Variants in SVOPL observed in about 807,000 individuals in gnomAD.
SVOPL encodes putative transporter SVOPL.
Under a neutral mutation model 61.0 loss-of-function variants are expected in SVOPL, and 60 were observed. The ratio of observed to expected loss-of-function variants is 0.98; its 90% CI spans 0.80 to 1.22. The LOEUF (loss-of-function observed/expected upper bound fraction) is 1.22, where lower values mean the gene tolerates loss of function less well. Ranked by LOEUF, SVOPL falls within the 50% of genes most tolerant of loss-of-function variation. SVOPL has a pLI of 0.00. For missense variants in SVOPL, 662 were observed against 643.9 expected (o/e 1.03, Z -0.30); for synonymous variants, 279 against 250.0 (o/e 1.12, Z -1.09).
At chr7:138,647,598 C>G (rs1801182583) in intron 8 of SVOPL, among the ~76,000 whole-genome samples, 1 of 151,958 alleles carries the variant, frequency 6.6e-6, no homozygotes, top group African/African-American at 2.4e-5. Context: ...CACCTGTAAT[C>G]CCAGCCCTTT....
At chr7:138,617,382 C>CA (rs1174522279) in intron 14 of SVOPL, among the ~76,000 whole-genome samples, 2 of 151,254 alleles carry the variant, frequency 1.3e-5, no homozygotes, top group East Asian at 3.9e-4. Flanking sequence ...ATGTTTTAGG[C>CA]AAAAAAATAA....
intron 13 of SVOPL, 108 bp downstream of exon 13, chr7:138,625,861 A>G: frequency 9.0e-7 from 1 of 1,106,132 alleles, no homozygotes; most frequent in Non-Finnish European, 1.3e-6. Context: ...TTGTTTTTAG[A>G]AAATCATCAA....
At chr7:138,606,631 T>C (rs1471012984) in intron 14 of SVOPL, among the ~76,000 whole-genome samples, 1 of 152,176 alleles carries the variant, frequency 6.6e-6, no homozygotes, top group Admixed American at 6.6e-5. Context: ...CAGCTACAGC[T>C]TGATTTTTTA....
At chr7:138,636,427 A>C (rs1433059534) in intron 9 of SVOPL, among the ~76,000 whole-genome samples, 3 of 151,876 alleles carry the variant, frequency 2.0e-5, no homozygotes, top group Non-Finnish European at 4.4e-5. Flanking sequence ...TTCTCTCTAC[A>C]TTATTAGCCT....
intron 7 of SVOPL, among the ~76,000 whole-genome samples, chr7:138,655,590 T>C (rs927725369): frequency 6.6e-6 from 1 of 150,992 alleles, no homozygotes; most frequent in Non-Finnish European, 1.5e-5. Flanking sequence ...CACACACCCC[T>C]ACACACACAC....
intron 4 of SVOPL, among the ~76,000 whole-genome samples, chr7:138,670,167 G>A (rs1450017178): frequency 6.6e-6 from 1 of 152,090 alleles, no homozygotes; most frequent in Admixed American, 6.6e-5. Context: ...ACTGCCCTTG[G>A]TCATTCCTGG....
At chr7:138,596,187 T>A (rs1345518419) in intron 15 of SVOPL, among the ~76,000 whole-genome samples, 1 of 77,458 alleles carries the variant, frequency 1.3e-5, no homozygotes, top group African/African-American at 3.7e-5. Flanking sequence ...AGACTCTGTC[T>A]TAAAAAAAAA....
chr7:138,594,811 G>A lies in SVOPL; in HGVS notation c.1468-190C>T, dbSNP rs545382869. Among the ~76,000 whole-genome samples the A allele has an allele frequency of 2.0e-5, 3 of 151,976 alleles. No individual in the cohort carries two copies. The East Asian group carries it at 5.8e-4, about 29-fold the overall frequency. ...TTTTTAATTCTAATATAATGCAGAT[G>A]TCATTTAGAAAAATTCACGTTTTAT... On this transcript the variant is annotated intron_variant, in intron 15 of 15. Coordinates refer to ENST00000674285, the MANE Select transcript of SVOPL (RefSeq NM_001139456.2).
chr7:138,669,189 G>A (rs1172170358), intron 4 of SVOPL, among the ~76,000 whole-genome samples: 1 of 152,170 alleles, frequency 6.6e-6, no homozygotes, highest in African/African-American at 2.4e-5. Flanking sequence ...TGGTAACTCA[G>A]TTTGTGATCC....
In SVOPL at chr7:138,672,075, G is replaced by A; in HGVS notation, c.217C>T (p.Pro73Ser). Residue 73 changes from proline (P) to serine (S), a missense_variant, in exon 4 of 16, where the codon CCT becomes TCT. By Grantham distance (74) the Pro-to-Ser change is moderately conservative. Coordinates refer to ENST00000674285, the MANE Select transcript of SVOPL (RefSeq NM_001139456.2). ...AGTTGCCATTCACAGCGGATGACAGGAGACACAACAGCTATCAACATGATC... is the reference window on the plus strand; with the variant it reads ...AGTTGCCATTCACAGCGGATGACAGAAGACACAACAGCTATCAACATGATC... The part of the protein sequence containing the change: ...MEIMLIAVVS[P>S]VIRCEWQLEN... 6.4e-7 allele frequency: 1 copy of A among 1,551,644 alleles called. No homozygotes were observed. The highest frequency in any genetic ancestry group is 1.2e-5 in the South Asian group (1 of 84,052).
In SVOPL at chr7:138,622,286, C is replaced by G. The variant is rs893387309; in HGVS notation, c.1264-1151G>C. On this transcript the variant is annotated intron_variant, in intron 13 of 15. Transcript: ENST00000674285. ...TCTATCTATGTATCTATCTATCTAT[C>G]TATCTATCTATCTATCTATCTATCT... is the stretch of plus-strand genomic sequence containing the variant. Among the ~76,000 whole-genome samples, 349 of 120,708 alleles carry G rather than the reference C, an allele frequency of 2.9e-3. 6 individuals are homozygous for G. Among genetic ancestry groups the G allele is most frequent in the African/African-American group, 8.8e-3 (310 of 35,096 alleles). The allele number at this position is 120,708 out of a possible 152,430, so 79.2% of individuals were successfully genotyped here. A position where few individuals can be genotyped will look rare whatever the true frequency, so the allele number is the denominator to read the frequency against.
At chr7:138,619,276 T>C (rs1293793036) in intron 14 of SVOPL, among the ~76,000 whole-genome samples, 1 of 151,848 alleles carries the variant, frequency 6.6e-6, no homozygotes, top group Non-Finnish European at 1.5e-5. Flanking sequence ...GGCATGGTGG[T>C]GCATGCCTGT....
chr7:138,664,265 A>G, intron 4 of SVOPL: 3 of 955,882 alleles, frequency 3.1e-6, no homozygotes, highest in Non-Finnish European at 3.6e-6. Flanking sequence ...CTAACCCTCC[A>G]GCGTCCTTGA....
chr7:138,639,455 T>C (rs1162775097), intron 9 of SVOPL, among the ~76,000 whole-genome samples: 1 of 151,092 alleles, frequency 6.6e-6, no homozygotes, highest in Non-Finnish European at 1.5e-5. Flanking sequence ...TGTGAAACCC[T>C]GTCTCTATTA....
chr7:138,663,769 C>T (rs1031081908), intron 4 of SVOPL, among the ~76,000 whole-genome samples: 1 of 152,146 alleles, frequency 6.6e-6, no homozygotes, highest in Non-Finnish European at 1.5e-5. Context: ...TATTTTCCTG[C>T]CTTCAAGAAG....
intron 8 of SVOPL, chr7:138,645,718 C>A: frequency 6.0e-6 from 1 of 165,290 alleles, no homozygotes; most frequent in South Asian, 1.6e-4. Flanking sequence ...TCAGGCTCCC[C>A]GCCATGGTTC....
Position 138,621,043 on chromosome 7 carries a change from T to C in SVOPL, c.1353+3A>G, listed in dbSNP as rs1323527171. 6.2e-7 allele frequency: 1 copy of C among 1,613,446 alleles called. No homozygotes were observed. The highest frequency in any genetic ancestry group is 8.5e-7 in the Non-Finnish European group (1 of 1,179,658). ...TCTCTCCCTGCAGGGTCCTTGGCTG[T>C]ACCTGGGATATAAATGGTGCCACCA... is the stretch of plus-strand genomic sequence containing the variant. On this transcript the variant is annotated splice_donor_region_variant and intron_variant, in intron 14 of 15. Coordinates refer to ENST00000674285, the MANE Select transcript of SVOPL (RefSeq NM_001139456.2).
At chr7:138,641,070 G>A (rs1800757160) in intron 9 of SVOPL, among the ~76,000 whole-genome samples, 1 of 151,970 alleles carries the variant, frequency 6.6e-6, no homozygotes, top group East Asian at 1.9e-4. Context: ...GGGTATGATG[G>A]CGCACACCTA....
At chr7:138,660,328 GAGGAGTACA>G (rs1050126862) in intron 5 of SVOPL, 3 of 1,047,404 alleles carry the variant, frequency 2.9e-6, no homozygotes, top group Non-Finnish European at 3.5e-6. Context: ...AGTATGTTGG[GAGGAGTACA>G]AGGAGAACAT....
Sources: gnomAD v4.1 joint callset for allele counts (sites outside exome capture counted in the v4.1 genomes callset) on GRCh38, gnomAD v4.1.1 for gene constraint, MANE v1.5 for transcripts, NCBI Gene and HGNC (gene_info 2026-07-23, HGNC 2026-07-21) for gene names.